Variants in FRAT2 observed in about 807,000 individuals in gnomAD.
FRAT2 encodes the protein GSK-3-binding protein FRAT2.
For missense variants in FRAT2, 326 were observed against 340.8 expected (o/e 0.96, Z 0.34); for synonymous variants, 205 against 171.5 (o/e 1.20, Z -1.53).
In FRAT2 at chr10:97,333,685, A is replaced by T; in HGVS notation, c.*186T>A. On this transcript the variant is annotated 3_prime_UTR_variant, in exon 1 of 1. Transcript: ENST00000371019. ...CTGGCGCATACATTTCTCCACGCTT[A>T]AGTTTTCTCCGACGGCCTCGCCGCG... 1 of 570,748 alleles carries T rather than the reference A, an allele frequency of 1.8e-6. No individual in the cohort carries two copies. Among genetic ancestry groups the T allele is most frequent in the Non-Finnish European group, 2.8e-6 (1 of 353,790 alleles). 35.4% of individuals were successfully genotyped at this position (570,748 alleles called of 1,614,324 possible). A position where few individuals can be genotyped will look rare whatever the true frequency, so the allele number is the denominator to read the frequency against.
chr10:97,334,689 A>T lies in FRAT2; in HGVS notation c.-117T>A. 8.3e-7 allele frequency: 1 copy of T among 1,204,148 alleles called. No individual in the cohort carries two copies. Among genetic ancestry groups the T allele is most frequent in the Non-Finnish European group, 1.1e-6 (1 of 944,752 alleles). The allele number at this position is 1,204,148 out of a possible 1,614,324, so 74.6% of individuals were successfully genotyped here. ...GCGGACGCGGAAGCCGGAGCCCGCC[A>T]GGCACTCGAGCCACGCGCCTGCAGC... On this transcript the variant is annotated 5_prime_UTR_variant, in exon 1 of 1. Transcript: ENST00000371019.
In FRAT2 at chr10:97,334,705, CG is replaced by C. The variant is rs1293887455; in HGVS notation, c.-134del. ...GAGCCCGCCAGGCACTCGAGCCACGCGCCTGCAGCCGCTGGAGCCGGAATCC... is the reference window on the plus strand; with the variant it reads ...GAGCCCGCCAGGCACTCGAGCCACGCCCTGCAGCCGCTGGAGCCGGAATCC... On this transcript the variant is annotated 5_prime_UTR_variant, in exon 1 of 1. Coordinates refer to ENST00000371019, the MANE Select transcript of FRAT2 (RefSeq NM_012083.3). 1.9e-6 allele frequency: 2 copies of C among 1,066,784 alleles called. No individual in the cohort carries two copies. The highest frequency in any genetic ancestry group is 2.4e-6 in the Non-Finnish European group (2 of 821,974). 66.1% of individuals were successfully genotyped at this position (1,066,784 alleles called of 1,614,324 possible). A position where few individuals can be genotyped will look rare whatever the true frequency, so the allele number is the denominator to read the frequency against.
chr10:97,334,603 G>A lies in FRAT2; in HGVS notation c.-31C>T. ...CCCGTCCTGGCACCCGGAGCTGTGC[G>A]GGCTTCGCTGGGGGCTTGGTTGCCC... On this transcript the variant is annotated 5_prime_UTR_variant, in exon 1 of 1. Coordinates refer to ENST00000371019, the MANE Select transcript of FRAT2 (RefSeq NM_012083.3). The A allele has an allele frequency of 7.3e-7, 1 of 1,369,842 alleles. No homozygotes were observed. Among genetic ancestry groups the A allele is most frequent in the Non-Finnish European group, 9.5e-7 (1 of 1,055,102 alleles). The allele number at this position is 1,369,842 out of a possible 1,614,324, so 84.9% of individuals were successfully genotyped here.
chr10:97,333,813 A>G lies in FRAT2; in HGVS notation c.*58T>C. On this transcript the variant is annotated 3_prime_UTR_variant, in exon 1 of 1. Transcript: ENST00000371019. ...TCGGCTTCAGCTCAGAGTTAGTAGG[A>G]ACTGGACGCTGTTGGGTCTACGCAG... 7.1e-7 allele frequency: 1 copy of G among 1,410,248 alleles called. No individual in the cohort carries two copies. The highest frequency in any genetic ancestry group is 9.2e-7 in the Non-Finnish European group (1 of 1,083,904). The allele number at this position is 1,410,248 out of a possible 1,614,324, so 87.4% of individuals were successfully genotyped here.
chr10:97,334,414 C>A lies in FRAT2; in HGVS notation c.159G>T (p.Leu53=), dbSNP rs750887635. Residue 53 remains leucine, a synonymous_variant, in exon 1 of 1, where the codon CTG becomes CTT. Transcript: ENST00000371019. ...AGGCCGGGCTGTCCTGCGCCGCGTCCAGCTGCAGCGTCTCGCCGATCTGGG... is the reference window on the plus strand; with the variant it reads ...AGGCCGGGCTGTCCTGCGCCGCGTCAAGCTGCAGCGTCTCGCCGATCTGGG... ...LVAQIGETLQ[L]DAAQDSPASP... is the part of the protein sequence containing the mutation. 5 of 1,450,378 alleles carry A rather than the reference C, an allele frequency of 3.4e-6. No individual in the cohort carries two copies. The highest frequency in any genetic ancestry group is 4.5e-6 in the Non-Finnish European group (5 of 1,102,174). 89.8% of individuals were successfully genotyped at this position (1,450,378 alleles called of 1,614,324 possible).
At position 97,334,455 on chromosome 10, in the gene FRAT2, C is replaced by T. The variant is rs1175446161; in HGVS notation, c.118G>A (p.Val40Met). 6.7e-7 allele frequency: 1 copy of T among 1,486,846 alleles called. No individual in the cohort carries two copies. The highest frequency in any genetic ancestry group is 8.9e-7 in the Non-Finnish European group (1 of 1,123,122). 92.1% of individuals were successfully genotyped at this position (1,486,846 alleles called of 1,614,324 possible). A position where few individuals can be genotyped will look rare whatever the true frequency, so the allele number is the denominator to read the frequency against. Residue 40 changes from valine to methionine, a missense_variant, in exon 1 of 1, where the codon GTG becomes ATG. Coordinates refer to ENST00000371019, the MANE Select transcript of FRAT2 (RefSeq NM_012083.3). ...CCGATCTGGGCCACCAGCCGGTCCA[C>T]CTCGCCCGAGCTGCCCAGCGTCACC... ...QSVTLGSSGE[V>M]DRLVAQIGET...
In FRAT2 at chr10:97,334,191, A is replaced by G. The variant is rs1380783907; in HGVS notation, c.382T>C (p.Tyr128His). ...RGRVRGRAAP[Y>H]CVAEVAAGPS... ...CCTGCGGCGACCTCCGCCACGCAGT[A>G]GGGCGCAGCGCGTCCGCGCACGCGG... Residue 128 changes from tyrosine to histidine, a missense_variant, in exon 1 of 1, where the codon TAC (tyrosine) becomes CAC (histidine). Tyr to His is a moderately conservative substitution (Grantham distance 83). Coordinates refer to ENST00000371019, the MANE Select transcript of FRAT2 (RefSeq NM_012083.3). 6.8e-6 allele frequency: 9 copies of G among 1,323,440 alleles called. No individual in the cohort carries two copies. The highest frequency in any genetic ancestry group is 8.6e-6 in the Non-Finnish European group (9 of 1,044,276). 82.0% of individuals were successfully genotyped at this position (1,323,440 alleles called of 1,614,324 possible). A position where few individuals can be genotyped will look rare whatever the true frequency, so the allele number is the denominator to read the frequency against.
At position 97,334,050 on chromosome 10, in the gene FRAT2, G is replaced by A. The variant is rs1843551374; in HGVS notation, c.523C>T (p.Pro175Ser). 1 of 1,595,590 alleles carries A rather than the reference G, an allele frequency of 6.3e-7. No homozygotes were observed. The highest frequency in any genetic ancestry group is 8.5e-7 in the Non-Finnish European group (1 of 1,178,670). ...QAGARAGDDD[P>S]HRLLQQLVLS... ...ACGAGCTGCTGGAGGAGCCGATGCG[G>A]GTCGTCGTCGCCGGCGCGTGCCCCG... Residue 175 changes from proline to serine, a missense_variant, in exon 1 of 1, where the codon CCG becomes TCG. Pro to Ser is a moderately conservative substitution (Grantham distance 74, BLOSUM62 -1). Coordinates refer to ENST00000371019, the MANE Select transcript of FRAT2 (RefSeq NM_012083.3).
rs1843555916 is a variant in FRAT2, at chr10:97,334,294, C to T, written c.279G>A (p.Leu93=). ...TCTCAGCCGAAGCGGGCGGCAGCAG[C>T]AGCGGCACCGCCGGGGGCCGGGCCT... The part of the protein sequence containing the change: ...ADKARPPAVP[L]LLPPASAETV... Residue 93 remains leucine, a synonymous_variant, in exon 1 of 1, where the codon CTG becomes CTA. Coordinates refer to ENST00000371019, the MANE Select transcript of FRAT2 (RefSeq NM_012083.3). The T allele has an allele frequency of 9.6e-6, 11 of 1,146,424 alleles. No individual in the cohort carries two copies. The highest frequency in any genetic ancestry group is 1.1e-5 in the Non-Finnish European group (10 of 934,518). 71.0% of individuals were successfully genotyped at this position (1,146,424 alleles called of 1,614,324 possible). A position where few individuals can be genotyped will look rare whatever the true frequency, so the allele number is the denominator to read the frequency against.
Position 97,333,595 on chromosome 10 carries a change from C to T in FRAT2, c.*276G>A, listed in dbSNP as rs563165863. On this transcript the variant is annotated 3_prime_UTR_variant, in exon 1 of 1. Transcript: ENST00000371019. ...CGATGCAAGTAGCTGCCATAGTTCT[C>T]CCAGTTTATCCCAGGTCCTTGGGCT... The T allele has an allele frequency of 4.2e-5, 17 of 403,420 alleles. No individual in the cohort carries two copies. The Admixed American group carries it at 5.5e-4, about 13-fold the overall frequency. The allele number at this position is 403,420 out of a possible 1,614,324, so 25.0% of individuals were successfully genotyped here.
chr10:97,334,148 C>T lies in FRAT2; in HGVS notation c.425G>A (p.Gly142Glu). 1.3e-6 allele frequency: 2 copies of T among 1,492,282 alleles called. No homozygotes were observed. Among genetic ancestry groups the T allele is most frequent in the Non-Finnish European group, 8.8e-7 (1 of 1,130,104 alleles). 92.4% of individuals were successfully genotyped at this position (1,492,282 alleles called of 1,614,324 possible). Reference protein sequence around the residue: ...EVAAGPSALPGPCRRGWLRDA... With the variant: ...EVAAGPSALPEPCRRGWLRDA... The stretch of plus-strand genomic sequence containing the variant: ...CCTGAGCCATCCTCGCCGGCACGGC[C>T]CCGGCAGCGCGCTGGGGCCTGCGGC... The change falls in exon 1 of 1, where the codon GGG (glycine) becomes GAG (glutamate). Residue 142 changes from glycine to glutamate, a missense_variant. By Grantham distance (98) the Gly-to-Glu change is moderately conservative. Transcript: ENST00000371019.
rs1451743690 is a variant in FRAT2, at chr10:97,334,542, C to T, written c.31G>A (p.Ala11Thr). The T allele has an allele frequency of 4.1e-6, 6 of 1,479,320 alleles. No individual in the cohort carries two copies. Among genetic ancestry groups the T allele is most frequent in the Admixed American group, 4.5e-5 (2 of 44,932 alleles). The allele number at this position is 1,479,320 out of a possible 1,614,324, so 91.6% of individuals were successfully genotyped here. A position where few individuals can be genotyped will look rare whatever the true frequency, so the allele number is the denominator to read the frequency against. ...TCCTCCCCCTCCGCCTCCTCGCCGG[C>T]TTCCTCTTCCTCCTCCCTCCGGCAC... MPCRREEEEE[A>T]GEEAEGEEEE... is the part of the protein sequence containing the mutation. The change falls in exon 1 of 1, where the codon GCC (alanine) becomes ACC (threonine). Residue 11 changes from alanine to threonine, a missense_variant. Transcript: ENST00000371019.
Position 97,333,836 on chromosome 10 carries a change from C to G in FRAT2, c.*35G>C. 1.4e-6 allele frequency: 2 copies of G among 1,453,762 alleles called. No individual in the cohort carries two copies. Among genetic ancestry groups the G allele is most frequent in the Admixed American group, 2.5e-5 (1 of 39,726 alleles). The allele number at this position is 1,453,762 out of a possible 1,614,324, so 90.1% of individuals were successfully genotyped here. Reference sequence around the variant, plus strand: ...GGAACTGGACGCTGTTGGGTCTACGCAGCGGCCTCCACTTCCTCCTCCAGG... The same window carrying G: ...GGAACTGGACGCTGTTGGGTCTACGGAGCGGCCTCCACTTCCTCCTCCAGG... On this transcript the variant is annotated 3_prime_UTR_variant, in exon 1 of 1. Transcript: ENST00000371019.
In FRAT2 at chr10:97,334,680, G is replaced by A; in HGVS notation, c.-108C>T. 3.2e-6 allele frequency: 4 copies of A among 1,236,116 alleles called. No homozygotes were observed. The highest frequency in any genetic ancestry group is 2.4e-5 in the South Asian group (1 of 41,276). 76.6% of individuals were successfully genotyped at this position (1,236,116 alleles called of 1,614,324 possible). On this transcript the variant is annotated 5_prime_UTR_variant, in exon 1 of 1. Coordinates refer to ENST00000371019, the MANE Select transcript of FRAT2 (RefSeq NM_012083.3). ...GGAGCAGGGGCGGACGCGGAAGCCG[G>A]AGCCCGCCAGGCACTCGAGCCACGC...
rs1254207094 is a variant in FRAT2, at chr10:97,334,357, C to T, written c.216G>A (p.Arg72=). ...CCGCCGCAGCCAGGGGCCCCGGGGC[C>T]CGCAGCGGCACCCCCGGGGGCGCGC... ...SPCAPPGVPL[R]APGPLAAAVP... Residue 72 remains arginine, a synonymous_variant, in exon 1 of 1, where the codon CGG becomes CGA. Coordinates refer to ENST00000371019, the MANE Select transcript of FRAT2 (RefSeq NM_012083.3). 5.8e-6 allele frequency: 7 copies of T among 1,210,552 alleles called. No homozygotes were observed. The Admixed American group carries it at 2.6e-4, about 46-fold the overall frequency. The allele number at this position is 1,210,552 out of a possible 1,614,324, so 75.0% of individuals were successfully genotyped here.
Position 97,333,761 on chromosome 10 carries a change from A to C in FRAT2, c.*110T>G. ...TCTCCCCACGCGCCTCCCCGCAGCC[A>C]AAGTGGTCGCTCCCAGGCTGGCGAC... On this transcript the variant is annotated 3_prime_UTR_variant, in exon 1 of 1. Transcript: ENST00000371019. 1 of 1,229,272 alleles carries C rather than the reference A, an allele frequency of 8.1e-7. No individual in the cohort carries two copies. Among genetic ancestry groups the C allele is most frequent in the Non-Finnish European group, 1.1e-6 (1 of 945,232 alleles). 76.1% of individuals were successfully genotyped at this position (1,229,272 alleles called of 1,614,324 possible).
Position 97,333,745 on chromosome 10 carries a change from G to T in FRAT2, c.*126C>A. On this transcript the variant is annotated 3_prime_UTR_variant, in exon 1 of 1. Transcript: ENST00000371019. ...TTCTCTGGTTGAGATCTCTCCCCAC[G>T]CGCCTCCCCGCAGCCAAAGTGGTCG... The T allele has an allele frequency of 9.5e-7, 1 of 1,051,790 alleles. No individual in the cohort carries two copies. The highest frequency in any genetic ancestry group is 1.3e-6 in the Non-Finnish European group (1 of 782,800). 65.2% of individuals were successfully genotyped at this position (1,051,790 alleles called of 1,614,324 possible).
chr10:97,334,185 C>T lies in FRAT2; in HGVS notation c.388G>A (p.Val130Met), dbSNP rs558774685. The change falls in exon 1 of 1, where the codon GTG becomes ATG. Residue 130 changes from valine to methionine, a missense_variant. Transcript: ENST00000371019. ...CTGGGGCCTGCGGCGACCTCCGCCA[C>T]GCAGTAGGGCGCAGCGCGTCCGCGC... Reference protein sequence around the residue: ...RVRGRAAPYCVAEVAAGPSAL... With the variant: ...RVRGRAAPYCMAEVAAGPSAL... The T allele has an allele frequency of 2.9e-4, 386 of 1,326,460 alleles. 6 individuals are homozygous for T. In the East Asian group the frequency reaches 0.012, roughly 41 times the overall value. The allele number at this position is 1,326,460 out of a possible 1,614,324, so 82.2% of individuals were successfully genotyped here.
rs1266938154 is a variant in FRAT2, at chr10:97,332,725, G to C, written c.*1146C>G. On this transcript the variant is annotated 3_prime_UTR_variant, in exon 1 of 1. Transcript: ENST00000371019. ...TCATACAGCCAGCGGCTTCTTCTCT[G>C]GGAGAGTCACATTTTAAAACCGGTT... 6.6e-6 allele frequency: 1 copy of C among 152,166 alleles called. No homozygotes were observed. The highest frequency in any genetic ancestry group is 1.5e-5 in the Non-Finnish European group (1 of 68,034). 9.4% of individuals were successfully genotyped at this position (152,166 alleles called of 1,614,324 possible).
Sources: allele counts gnomAD v4.1 joint callset, GRCh38; gene constraint gnomAD v4.1.1; transcripts MANE v1.5; gene names NCBI Gene and HGNC (gene_info 2026-07-23, HGNC 2026-07-21).